THSD7B: variants seen among roughly 807,000 people sequenced by gnomAD.
THSD7B encodes the protein thrombospondin type-1 domain-containing protein 7B.
THSD7B carries 138 observed loss-of-function variants against 213.6 expected under a neutral mutation model. That is an observed-to-expected ratio of 0.65 (90% CI 0.56 to 0.74). THSD7B has a LOEUF of 0.74. Among genes scored for constraint, THSD7B ranks in the 30% least tolerant of loss-of-function variants. THSD7B has a pLI of 0.00. For synonymous variants in THSD7B, 742 were observed against 687.0 expected (o/e 1.08, Z -1.25); for missense variants, 1,931 against 1,991.5 (o/e 0.97, Z 0.58).
chr2:137,632,920 A>AG (rs1682768110), intron 20 of THSD7B, among the ~76,000 whole-genome samples: 3 of 152,164 alleles, frequency 2.0e-5, no homozygotes, highest in African/African-American at 7.2e-5. Flanking sequence ...CTAGGATAAA[A>AG]GGGTATCCGG....
intron 2 of THSD7B, among the ~76,000 whole-genome samples, chr2:136,975,332 T>A (rs1462364036): frequency 6.6e-6 from 1 of 152,106 alleles, no homozygotes; most frequent in East Asian, 1.9e-4. Context: ...AGTTTTGGGC[T>A]TTACATTTAA....
chr2:137,255,426 A>C (rs745319902), intron 10 of THSD7B, among the ~76,000 whole-genome samples: 2 of 152,172 alleles, frequency 1.3e-5, no homozygotes, highest in African/African-American at 4.8e-5. Context: ...ACATCTCCAC[A>C]GGAGATGTAG....
intron 2 of THSD7B, among the ~76,000 whole-genome samples, chr2:137,045,919 G>T (rs1686959456): frequency 1.3e-5 from 2 of 152,130 alleles, no homozygotes; most frequent in African/African-American, 4.8e-5. Context: ...TAAAAATTCT[G>T]TTGGGCACCA....
At chr2:137,048,176 C>T (rs930690546) in intron 2 of THSD7B, among the ~76,000 whole-genome samples, 52 of 151,916 alleles carry the variant, frequency 3.4e-4, no homozygotes, top group African/African-American at 1.3e-3. Context: ...TATATGGTCA[C>T]ACTGGGAAGA....
Position 137,413,383 on chromosome 2 carries a change from CAG to C in THSD7B, c.2959+1513_2959+1514del, listed in dbSNP as rs570086910. 1.4e-3 allele frequency among the ~76,000 whole-genome samples: 207 copies of C among 152,274 alleles called. 1 individual carries two copies. The highest frequency in any genetic ancestry group is 1.7e-3 in the South Asian group (8 of 4,830). On this transcript the variant is annotated intron_variant, in intron 14 of 27. Transcript: ENST00000409968. ...CTTGAGTGTACAGTTAAGGAGAAGT[CAG>C]AAACTTGTGGAGTTTACTGTCCAGA... is the stretch of plus-strand genomic sequence containing the variant.
chr2:137,547,705 T>C lies in THSD7B; in HGVS notation c.3139-15516T>C, dbSNP rs80189725. Reference sequence around the variant, plus strand: ...TTCCTTTTTTTAAAATCAGACTTTCTAGATAGAATAAAGGCTGTTTTTGAT... The same window carrying C: ...TTCCTTTTTTTAAAATCAGACTTTCCAGATAGAATAAAGGCTGTTTTTGAT... On this transcript the variant is annotated intron_variant, in intron 15 of 27. Transcript: ENST00000409968. 4.7e-3 allele frequency among the ~76,000 whole-genome samples: 708 copies of C among 152,100 alleles called. 6 individuals carry two copies. The highest frequency in any genetic ancestry group is 0.016 in the African/African-American group (668 of 41,522).
intron 1 of THSD7B, among the ~76,000 whole-genome samples, chr2:136,852,915 T>G (rs1163964658): frequency 1.3e-5 from 2 of 152,192 alleles, no homozygotes; most frequent in South Asian, 4.1e-4. Context: ...TTAAAAATGT[T>G]GAAACTGCTT....
At chr2:137,248,924 C>T (rs898189610) in intron 10 of THSD7B, among the ~76,000 whole-genome samples, 2 of 152,164 alleles carry the variant, frequency 1.3e-5, no homozygotes, top group South Asian at 2.1e-4. Context: ...TAGCTCACAT[C>T]GATGTCTCCA....
At chr2:137,349,291 A>G (rs771448409) in intron 12 of THSD7B, among the ~76,000 whole-genome samples, 34 of 151,790 alleles carry the variant, frequency 2.2e-4, no homozygotes, top group Non-Finnish European at 3.7e-4. Context: ...ATTTTTATCC[A>G]TTTGTCATTT....
At chr2:137,247,683 G>A (rs534139821) in intron 10 of THSD7B, among the ~76,000 whole-genome samples, 1 of 152,218 alleles carries the variant, frequency 6.6e-6, no homozygotes, top group African/African-American at 2.4e-5. Context: ...GACTGCTGCT[G>A]GGAATTGGTA....
At chr2:137,572,791 A>G (rs1314565136) in intron 17 of THSD7B, among the ~76,000 whole-genome samples, 1 of 152,200 alleles carries the variant, frequency 6.6e-6, no homozygotes. Flanking sequence ...TACATGAACA[A>G]GGAAAATGAG....
chr2:137,207,401 A>G (rs986193279), intron 7 of THSD7B, among the ~76,000 whole-genome samples: 6 of 152,202 alleles, frequency 3.9e-5, no homozygotes, highest in Non-Finnish European at 8.8e-5. Flanking sequence ...TAAAGGACGC[A>G]TATTATAAAG....
intron 7 of THSD7B, among the ~76,000 whole-genome samples, chr2:137,209,594 C>G (rs182100260): frequency 6.6e-6 from 1 of 151,922 alleles, no homozygotes; most frequent in Non-Finnish European, 1.5e-5. Flanking sequence ...AATTTAAGAA[C>G]CTGAACTAAA....
chr2:137,283,596 T>A (rs902911033), intron 12 of THSD7B, among the ~76,000 whole-genome samples: 2 of 152,104 alleles, frequency 1.3e-5, no homozygotes, highest in Non-Finnish European at 2.9e-5. Context: ...TTATTGAGAG[T>A]TTTTAGCATG....
intron 1 of THSD7B, among the ~76,000 whole-genome samples, chr2:136,840,245 G>T (rs1435634902): frequency 6.6e-6 from 1 of 151,996 alleles, no homozygotes; most frequent in Non-Finnish European, 1.5e-5. Flanking sequence ...CAGGAGTGGT[G>T]GTGCATGCCT....
intron 7 of THSD7B, among the ~76,000 whole-genome samples, chr2:137,195,356 A>T (rs188249757): frequency 2.0e-5 from 3 of 151,898 alleles, no homozygotes; most frequent in Non-Finnish European, 4.4e-5. Context: ...GCAACAAGCC[A>T]CTCCTAGAGC....
intron 12 of THSD7B, among the ~76,000 whole-genome samples, chr2:137,309,474 G>T (rs911073572): frequency 6.6e-6 from 1 of 150,426 alleles, no homozygotes; most frequent in African/African-American, 2.4e-5. Context: ...ATTGGACAAA[G>T]TTCAGAGTTT....
intron 15 of THSD7B, chr2:137,512,283 A>AT (rs1419268022): frequency 6.7e-6 from 1 of 149,502 alleles, no homozygotes; most frequent in Non-Finnish European, 1.5e-5. Context: ...TCAAAGTACA[A>AT]TTTTTTTCAT....
chr2:137,301,134 C>T (rs562042965), intron 12 of THSD7B, among the ~76,000 whole-genome samples: 3 of 152,192 alleles, frequency 2.0e-5, no homozygotes, highest in Non-Finnish European at 2.9e-5. Flanking sequence ...ATCATTCTAC[C>T]CAGCACTGCA....
Sources: gnomAD v4.1 joint callset for allele counts (sites outside exome capture counted in the v4.1 genomes callset) on GRCh38, gnomAD v4.1.1 for gene constraint, MANE v1.5 for transcripts, NCBI Gene and HGNC (gene_info 2026-07-23, HGNC 2026-07-21) for gene names.